The following SLC30A8 variants were observed in gnomAD, a reference collection of about 807,000 sequenced individuals.
The protein encoded by SLC30A8 is proton-coupled zinc antiporter SLC30A8.
A neutral mutation model predicts 36.9 loss-of-function variants in SLC30A8; 27 were observed. The observed-to-expected ratio is 0.73, with a 90% CI of 0.54 to 1.01. SLC30A8 has a LOEUF of 1.01. Among genes scored for constraint, SLC30A8 ranks in the 50% least tolerant of loss-of-function variants. The pLI is 0.00. For missense variants in SLC30A8, 439 were observed against 452.0 expected (o/e 0.97, Z 0.26); for synonymous variants, 164 against 172.4 (o/e 0.95, Z 0.38).
chr8:117,156,167 G>C (rs2130994378), intron 3 of SLC30A8, among the ~76,000 whole-genome samples: 1 of 152,134 alleles, frequency 6.6e-6, no homozygotes, highest in Middle Eastern at 3.4e-3. Context: ...AACGTCCTGA[G>C]TAGCTGGGAT....
chr8:117,108,436 G>A (rs1185606196), intron 2 of SLC30A8, among the ~76,000 whole-genome samples: 1 of 152,154 alleles, frequency 6.6e-6, no homozygotes, highest in Non-Finnish European at 1.5e-5. Context: ...TCCAGAAATG[G>A]CTCCAAAGAG....
Position 117,172,636 on chromosome 8 carries a change from T to A in SLC30A8, c.1065T>A (p.Val355=). ...TCACCATTCAGATGGAATCTCCAGT[T>A]GACCAGGACCCCGACTGCCTTTTCT... The part of the protein sequence containing the change: ...HSLTIQMESP[V]DQDPDCLFCE... Residue 355 remains valine (V), a synonymous_variant, in exon 8 of 8, where the codon GTT becomes GTA. Coordinates refer to ENST00000456015, the MANE Select transcript of SLC30A8 (RefSeq NM_173851.3). The A allele has an allele frequency of 6.2e-7, 1 of 1,613,746 alleles. No individual in the cohort carries two copies. The highest frequency in any genetic ancestry group is 8.5e-7 in the Non-Finnish European group (1 of 1,179,710).
At chr8:116,984,159 G>T (rs1009830493) in intron 1 of SLC30A8, among the ~76,000 whole-genome samples, 1 of 151,974 alleles carries the variant, frequency 6.6e-6, no homozygotes, top group Non-Finnish European at 1.5e-5. Flanking sequence ...TTTTATTGCT[G>T]TGTAGTATTC....
chr8:117,053,334 C>T (rs570217050), intron 2 of SLC30A8, among the ~76,000 whole-genome samples: 1 of 152,216 alleles, frequency 6.6e-6, no homozygotes, highest in East Asian at 1.9e-4. Context: ...TGGTTTCCAC[C>T]CATTCTCAGA....
chr8:117,163,631 A>T (rs1466935783), intron 6 of SLC30A8, 101 bp downstream of exon 6: 3 of 839,458 alleles, frequency 3.6e-6, no homozygotes, highest in Non-Finnish European at 5.3e-6. Flanking sequence ...AATTTGAATT[A>T]TGGGAAAAAT....
intron 2 of SLC30A8, among the ~76,000 whole-genome samples, chr8:117,090,949 T>A (rs1819093296): frequency 6.6e-6 from 1 of 152,202 alleles, no homozygotes; most frequent in Admixed American, 6.5e-5. Flanking sequence ...ACCTGACATA[T>A]AAAGTAGGTG....
chr8:117,072,183 T>A (rs1373051284), intron 2 of SLC30A8, among the ~76,000 whole-genome samples: 1 of 152,228 alleles, frequency 6.6e-6, no homozygotes, highest in Non-Finnish European at 1.5e-5. Flanking sequence ...GTTCTTCCTT[T>A]GACTTTGGCT....
rs552847553 is a variant in SLC30A8, at chr8:117,149,250, G to T, written c.271+2097G>T. Among the ~76,000 whole-genome samples the T allele has an allele frequency of 1.1e-4, 16 of 152,216 alleles. No individual in the cohort carries two copies. The South Asian group carries it at 3.3e-3, about 32-fold the overall frequency. ...CTTTTAAGCAAATACCTTTACTTTT[G>T]ACTTTGTTTTTTAAAGCTTTTTGAT... On this transcript the variant is annotated intron_variant, in intron 2 of 7. Transcript: ENST00000456015.
At chr8:117,024,491 T>C (rs1473371968) in intron 1 of SLC30A8, among the ~76,000 whole-genome samples, 1 of 152,236 alleles carries the variant, frequency 6.6e-6, no homozygotes, top group Non-Finnish European at 1.5e-5. Context: ...ACCTGCATCT[T>C]CCTTATGGCA....
intron 2 of SLC30A8, among the ~76,000 whole-genome samples, chr8:117,068,235 T>C (rs891179043): frequency 7.2e-5 from 11 of 152,162 alleles, no homozygotes; most frequent in African/African-American, 2.7e-4. Context: ...CCCTGTAGTG[T>C]TTCCATCAGG....
intron 2 of SLC30A8, among the ~76,000 whole-genome samples, chr8:117,068,164 T>TA (rs1818224454): frequency 6.6e-6 from 1 of 152,200 alleles, no homozygotes; most frequent in Admixed American, 6.6e-5. Context: ...TAATGAATAT[T>TA]ACATTCCTAC....
intron 1 of SLC30A8, among the ~76,000 whole-genome samples, chr8:117,140,964 G>A (rs1375235864): frequency 2.0e-5 from 3 of 151,944 alleles, no homozygotes; most frequent in Non-Finnish European, 2.9e-5. Flanking sequence ...GAAAGACACC[G>A]ACTACCATAT....
intron 3 of SLC30A8, among the ~76,000 whole-genome samples, chr8:117,156,202 G>A (rs1563632311): frequency 6.6e-6 from 1 of 151,986 alleles, no homozygotes; most frequent in Non-Finnish European, 1.5e-5. Flanking sequence ...ACCATGTCTG[G>A]CTAATTTTTT....
chr8:117,139,987 T>A (rs1041629865), intron 1 of SLC30A8, among the ~76,000 whole-genome samples: 1 of 151,892 alleles, frequency 6.6e-6, no homozygotes, highest in African/African-American at 2.4e-5. Context: ...TAAAGATAGA[T>A]ATGATTTAAA....
At chr8:117,122,261 G>T (rs1025376719) in intron 2 of SLC30A8, among the ~76,000 whole-genome samples, 1 of 151,850 alleles carries the variant, frequency 6.6e-6, no homozygotes, top group Non-Finnish European at 1.5e-5. Context: ...CAACATTTAG[G>T]CCCTGACATC....
At chr8:116,969,216 G>A (rs1482642054) in intron 1 of SLC30A8, among the ~76,000 whole-genome samples, 1 of 152,018 alleles carries the variant, frequency 6.6e-6, no homozygotes, top group Non-Finnish European at 1.5e-5. Flanking sequence ...TCAGGAGTTC[G>A]AGACCAGCCC....
intron 1 of SLC30A8, among the ~76,000 whole-genome samples, chr8:116,971,408 G>A (rs1420565433): frequency 6.6e-6 from 1 of 151,970 alleles, no homozygotes; most frequent in Non-Finnish European, 1.5e-5. Flanking sequence ...ATTGCTCCAT[G>A]ACATTGATTC....
intron 2 of SLC30A8, among the ~76,000 whole-genome samples, chr8:117,118,208 A>C (rs1050928103): frequency 6.6e-6 from 1 of 151,456 alleles, no homozygotes; most frequent in Non-Finnish European, 1.5e-5. Context: ...AAAACAAAAA[A>C]CAAAAAAACC....
intron 2 of SLC30A8, among the ~76,000 whole-genome samples, chr8:117,046,383 A>G (rs1366373447): frequency 6.6e-6 from 1 of 152,210 alleles, no homozygotes; most frequent in African/African-American, 2.4e-5. Context: ...TAATGCCCAG[A>G]TAATTCCAAA....
Sources: allele counts gnomAD v4.1 joint callset (sites outside exome capture counted in the v4.1 genomes callset), GRCh38; gene constraint gnomAD v4.1.1; transcripts MANE v1.5; gene names NCBI Gene and HGNC (gene_info 2026-07-23, HGNC 2026-07-21).